The following ACYP2 variants were observed in gnomAD, a reference collection of about 807,000 sequenced individuals.
ACYP2 encodes acylphosphatase 2.
In ACYP2, 12 loss-of-function variants were observed where a neutral mutation model predicts 11.2. The ratio of observed to expected loss-of-function variants is 1.08; its 90% CI spans 0.69 to 1.74. The LOEUF (loss-of-function observed/expected upper bound fraction) is 1.74. Ranked by LOEUF, ACYP2 falls within the 40% of genes most tolerant of loss-of-function variation. The pLI is 0.00. For missense variants in ACYP2, 134 were observed against 101.9 expected (o/e 1.31, Z -1.35); for synonymous variants, 43 against 32.2 (o/e 1.33, Z -1.13).
intron 4 of ACYP2, among the ~76,000 whole-genome samples, chr2:54,096,619 T>G (rs1401585895): frequency 1.3e-5 from 2 of 152,116 alleles, no homozygotes; most frequent in Non-Finnish European, 2.9e-5. Flanking sequence ...TCCCTCGCGG[T>G]TAGGAGCTGG....
At chr2:54,056,767 C>T (rs1004237210) in intron 3 of ACYP2, among the ~76,000 whole-genome samples, 6 of 152,030 alleles carry the variant, frequency 3.9e-5, no homozygotes, top group Non-Finnish European at 8.8e-5. Flanking sequence ...CCATTTGTCA[C>T]CTGTACTTTA....
chr2:54,289,644 A>G (rs1290084008), intron 6 of ACYP2, among the ~76,000 whole-genome samples: 1 of 151,980 alleles, frequency 6.6e-6, no homozygotes, highest in African/African-American at 2.4e-5. Context: ...GTGCCGAAAA[A>G]TATTGAAATT....
intron 4 of ACYP2, among the ~76,000 whole-genome samples, chr2:54,120,841 CA>C (rs1025505866): frequency 9.2e-5 from 14 of 152,180 alleles, no homozygotes; most frequent in African/African-American, 3.4e-4. Flanking sequence ...GAGATGCCAG[CA>C]ACCACAGAGC....
chr2:54,245,930 C>G (rs1686930304), intron 6 of ACYP2, among the ~76,000 whole-genome samples: 1 of 152,048 alleles, frequency 6.6e-6, no homozygotes, highest in African/African-American at 2.4e-5. Context: ...AATCTTGCCC[C>G]AGACCAATGT....
At chr2:54,100,647 A>T (rs905068621) in intron 4 of ACYP2, among the ~76,000 whole-genome samples, 1 of 152,084 alleles carries the variant, frequency 6.6e-6, no homozygotes, top group African/African-American at 2.4e-5. Flanking sequence ...ATTGTACAAA[A>T]TCATGCCACA....
intron 6 of ACYP2, among the ~76,000 whole-genome samples, chr2:54,151,438 T>C (rs1368542577): frequency 6.6e-6 from 1 of 152,262 alleles, no homozygotes; most frequent in Non-Finnish European, 1.5e-5. Context: ...ACTTTGCTAA[T>C]ATTTTTATAC....
At chr2:54,239,840 G>A (rs936269630) in intron 6 of ACYP2, among the ~76,000 whole-genome samples, 7 of 152,122 alleles carry the variant, frequency 4.6e-5, no homozygotes, top group African/African-American at 1.7e-4. Flanking sequence ...TGGTAGAATA[G>A]GGAAGAAGAA....
chr2:54,156,395 A>G (rs775406229), intron 6 of ACYP2, among the ~76,000 whole-genome samples: 5 of 152,080 alleles, frequency 3.3e-5, no homozygotes, highest in Non-Finnish European at 7.4e-5. Context: ...TGCATTAGCT[A>G]TTTATCCTGA....
At chr2:54,123,206 A>G (rs189903030) in intron 4 of ACYP2, 3 of 396,398 alleles carry the variant, frequency 7.6e-6, no homozygotes, top group East Asian at 7.1e-5. Flanking sequence ...CTCCTCACAG[A>G]AGGAATTTCC....
Position 54,304,818 on chromosome 2 carries a change from G to C in ACYP2, c.*16G>C. On this transcript the variant is annotated 3_prime_UTR_variant, in exon 7 of 7. Transcript: ENST00000607452. ...TAGATACTAATAGAAGAGAAAAATT[G>C]TAACACACTGAACAATAGATACTGT... 1 of 1,380,362 alleles carries C rather than the reference G, an allele frequency of 7.2e-7. No homozygotes were observed. The highest frequency in any genetic ancestry group is 1.0e-6 in the Non-Finnish European group (1 of 976,040). 85.5% of individuals were successfully genotyped at this position (1,380,362 alleles called of 1,614,324 possible).
At chr2:54,036,217 C>T (rs772274110) in intron 2 of ACYP2, among the ~76,000 whole-genome samples, 8 of 152,320 alleles carry the variant, frequency 5.3e-5, no homozygotes, top group Non-Finnish European at 1.0e-4. Context: ...GCCTCAGCTC[C>T]ACACGTAGCT....
At chr2:54,011,594 T>C (rs1164120836) in intron 2 of ACYP2, among the ~76,000 whole-genome samples, 1 of 152,222 alleles carries the variant, frequency 6.6e-6, no homozygotes, top group East Asian at 1.9e-4. Flanking sequence ...TTTTTATTTC[T>C]ACTGATTGCC....
rs1336561297 is a variant in ACYP2, at chr2:54,244,539, G to A, written c.405-60149G>A. Among the ~76,000 whole-genome samples the A allele has an allele frequency of 2.0e-5, 3 of 152,156 alleles. No homozygotes were observed. In the East Asian group the frequency reaches 5.8e-4, roughly 29 times the overall value. ...CCACTGTGCCTGGCTTAGATACCCT[G>A]TGTATCATACACCAAATTCTGTATG... On this transcript the variant is annotated intron_variant, in intron 6 of 6. Transcript: ENST00000607452.
intron 2 of ACYP2, among the ~76,000 whole-genome samples, chr2:53,998,757 A>C (rs1387988335): frequency 6.6e-6 from 1 of 152,144 alleles, no homozygotes; most frequent in East Asian, 1.9e-4. Flanking sequence ...CAGAGGTTGC[A>C]GTGAGCCAAA....
chr2:54,175,074 C>G (rs1246366079), intron 6 of ACYP2, among the ~76,000 whole-genome samples: 2 of 152,266 alleles, frequency 1.3e-5, no homozygotes, highest in East Asian at 1.9e-4. Flanking sequence ...CCCTCTTTTT[C>G]TATTGATTAG....
At chr2:54,145,118 T>C (rs1218031247) in intron 6 of ACYP2, among the ~76,000 whole-genome samples, 1 of 152,198 alleles carries the variant, frequency 6.6e-6, no homozygotes, top group African/African-American at 2.4e-5. Context: ...CTGTAACTAA[T>C]GGGATTCTGA....
chr2:54,135,537 G>C (rs1681172319), intron 5 of ACYP2, 68 bp downstream of exon 2: 6 of 1,423,810 alleles, frequency 4.2e-6, no homozygotes, highest in African/African-American at 1.4e-5. Flanking sequence ...ACAGAGATAG[G>C]GCAGTTTTCT....
intron 6 of ACYP2, among the ~76,000 whole-genome samples, chr2:54,251,052 C>CAAATCCATA (rs1687201871): frequency 6.6e-6 from 1 of 152,130 alleles, no homozygotes; most frequent in Non-Finnish European, 1.5e-5. Context: ...ATTTGATGAT[C>CAAATCCATA]TATTTGGCTG....
intron 4 of ACYP2, among the ~76,000 whole-genome samples, chr2:54,113,018 C>T (rs566563664): frequency 1.3e-5 from 2 of 151,936 alleles, no homozygotes; most frequent in African/African-American, 4.8e-5. Flanking sequence ...CTATAGTTGT[C>T]CGTTGTTATC....
Sources: allele counts gnomAD v4.1 joint callset (sites outside exome capture counted in the v4.1 genomes callset), GRCh38; gene constraint gnomAD v4.1.1; transcripts MANE v1.5; gene names NCBI Gene and HGNC (gene_info 2026-07-23, HGNC 2026-07-21).